The following RFTN1 variants were observed in gnomAD, a reference collection of about 807,000 sequenced individuals.
RFTN1 encodes raftlin.
In RFTN1, 26 loss-of-function variants were observed where a neutral mutation model predicts 46.5. That is an observed-to-expected ratio of 0.56 (90% CI 0.41 to 0.78). The LOEUF is 0.78. Among genes scored for constraint, RFTN1 ranks in the 30% least tolerant of loss-of-function variants. The pLI is 0.00. For missense variants in RFTN1, 693 were observed against 718.7 expected (o/e 0.96, Z 0.41); for synonymous variants, 261 against 284.2 (o/e 0.92, Z 0.82).
intron 2 of RFTN1, among the ~76,000 whole-genome samples, chr3:16,471,420 A>G (rs1025835142): frequency 6.6e-6 from 1 of 152,172 alleles, no homozygotes; most frequent in African/African-American, 2.4e-5. Flanking sequence ...TCAGTTTCCT[A>G]TTGGAAAATA....
rs2068420119 is a variant in RFTN1 at position 16,316,592 on chromosome 3, T to C, written c.*236A>G. The C allele has an allele frequency of 3.4e-6, 2 of 588,500 alleles. No homozygotes were observed. Among genetic ancestry groups the C allele is most frequent in the South Asian group, 1.9e-5 (1 of 52,210 alleles). 36.5% of individuals were successfully genotyped at this position (588,500 alleles called of 1,614,324 possible). Reference sequence around the variant, plus strand: ...TTCAGCCATGAGGGCTAGAATAACCTGACCTCTTGCATTCTAACACTGGGT... The same window carrying C: ...TTCAGCCATGAGGGCTAGAATAACCCGACCTCTTGCATTCTAACACTGGGT... On this transcript the variant is annotated 3_prime_UTR_variant, in exon 10 of 10. Coordinates refer to ENST00000334133, the MANE Select transcript of RFTN1 (RefSeq NM_015150.2). The surrounding 1 kb of genome is among the most constrained non-coding windows in gnomAD (Gnocchi z 4.5).
At chr3:16,366,663 C>A (rs555036931) in intron 6 of RFTN1, among the ~76,000 whole-genome samples, 5 of 152,358 alleles carry the variant, frequency 3.3e-5, no homozygotes, top group South Asian at 4.1e-4. Context: ...TAGCCAGTAA[C>A]CTTGACAATG....
At position 16,489,316 on chromosome 3, in the gene RFTN1, G is replaced by A. The variant is rs2076502897; in HGVS notation, c.145+4409C>T. ...ACCTGTAATCCCAACTACTCGGCAG[G>A]CTGAGGCACAAGAATTATTTGAACC... On this transcript the variant is annotated intron_variant, in intron 2 of 9. Coordinates refer to ENST00000334133, the MANE Select transcript of RFTN1 (RefSeq NM_015150.2). This position sits in a 1 kb window ranked among gnomAD's most constrained non-coding sequence, Gnocchi z 4.0. Among the ~76,000 whole-genome samples, 1 of 152,144 alleles carries A rather than the reference G, an allele frequency of 6.6e-6. No homozygotes were observed. Among genetic ancestry groups the A allele is most frequent in the African/African-American group, 2.4e-5 (1 of 41,418 alleles).
At chr3:16,414,476 G>A (rs140780189) in intron 3 of RFTN1, among the ~76,000 whole-genome samples, 1 of 151,976 alleles carries the variant, frequency 6.6e-6, no homozygotes, top group East Asian at 1.9e-4. Flanking sequence ...GCATGGTGGT[G>A]CACGCCTATA....
At chr3:16,501,280 T>A (rs1226094330) in intron 1 of RFTN1, among the ~76,000 whole-genome samples, 1 of 152,232 alleles carries the variant, frequency 6.6e-6, no homozygotes, top group South Asian at 2.1e-4. Flanking sequence ...AAAAGTATCC[T>A]AATTTGTTTC....
intron 4 of RFTN1, among the ~76,000 whole-genome samples, chr3:16,398,244 CAAAAAAAAA>C (rs202032095): frequency 1.3e-4 from 14 of 110,948 alleles, no homozygotes; most frequent in South Asian, 1.1e-3. Context: ...AAGACTGTCT[CAAAAAAAAA>C]AAAAAAAAAA....
chr3:16,366,177 G>A (rs541243189), intron 6 of RFTN1, among the ~76,000 whole-genome samples: 42 of 151,898 alleles, frequency 2.8e-4, no homozygotes, highest in African/African-American at 7.5e-4. Flanking sequence ...TGGTGGCAGC[G>A]GCAGCAGCCT....
At chr3:16,508,060 G>A (rs1401144360) in intron 1 of RFTN1, among the ~76,000 whole-genome samples, 1 of 152,202 alleles carries the variant, frequency 6.6e-6, no homozygotes. Flanking sequence ...ATAAGAGTTT[G>A]TCGGCATCAA....
chr3:16,436,219 A>G (rs1359577429), intron 2 of RFTN1, among the ~76,000 whole-genome samples: 2 of 151,526 alleles, frequency 1.3e-5, no homozygotes, highest in Non-Finnish European at 2.9e-5. Context: ...CTCGTGTCCT[A>G]TTTAGTCATT....
In RFTN1 at chr3:16,442,429, A is replaced by C. The variant is rs2075645137; in HGVS notation, c.146-8392T>G. ...TCAATAACATGCTTTCACAAAAAAA[A>C]ACTATTCTTTTTTTAAATTTTAATG... On this transcript the variant is annotated intron_variant, in intron 2 of 9. Transcript: ENST00000334133. This position sits in a 1 kb window ranked among gnomAD's most constrained non-coding sequence, Gnocchi z 4.1. Among the ~76,000 whole-genome samples the C allele has an allele frequency of 6.6e-6, 1 of 152,186 alleles. No homozygotes were observed. The highest frequency in any genetic ancestry group is 1.5e-5 in the Non-Finnish European group (1 of 68,028).
rs1457907487 is a variant in RFTN1, at chr3:16,440,394, A to G, written c.146-6357T>C. Among the ~76,000 whole-genome samples, 2 of 152,176 alleles carry G rather than the reference A, an allele frequency of 1.3e-5. No individual in the cohort carries two copies. Among genetic ancestry groups the G allele is most frequent in the Admixed American group, 1.3e-4 (2 of 15,288 alleles). On this transcript the variant is annotated intron_variant, in intron 2 of 9. Coordinates refer to ENST00000334133, the MANE Select transcript of RFTN1 (RefSeq NM_015150.2). This position sits in a 1 kb window ranked among gnomAD's most constrained non-coding sequence, Gnocchi z 4.6. ...TAATTTTTGTATTTTTAGTAGAGTCAGGGTTTCACTATGTTGGCCAGGCTG... is the reference window on the plus strand; with the variant it reads ...TAATTTTTGTATTTTTAGTAGAGTCGGGGTTTCACTATGTTGGCCAGGCTG...
intron 7 of RFTN1, among the ~76,000 whole-genome samples, chr3:16,330,389 AGCCT>A (rs2125242209): frequency 6.6e-6 from 1 of 152,360 alleles, no homozygotes; most frequent in Admixed American, 6.5e-5. Flanking sequence ...ATACAAGATG[AGCCT>A]GTCAGTGAAA....
intron 7 of RFTN1, among the ~76,000 whole-genome samples, chr3:16,339,140 TTC>T (rs1032920836): frequency 6.6e-6 from 1 of 152,186 alleles, no homozygotes; most frequent in African/African-American, 2.4e-5. Context: ...GACATGGGAT[TTC>T]TCTCTCCCTA....
chr3:16,397,616 A>C (rs1437475481), intron 4 of RFTN1, among the ~76,000 whole-genome samples: 1 of 152,200 alleles, frequency 6.6e-6, no homozygotes, highest in Non-Finnish European at 1.5e-5. Flanking sequence ...AAAACTTAAA[A>C]ATAAATAGAA....
rs2124901004 is a variant in RFTN1 at position 16,449,222 on chromosome 3, A to C, written c.146-15185T>G. Among the ~76,000 whole-genome samples, 1 of 152,350 alleles carries C rather than the reference A, an allele frequency of 6.6e-6. No homozygotes were observed. Among genetic ancestry groups the C allele is most frequent in the South Asian group, 2.1e-4 (1 of 4,832 alleles). The stretch of plus-strand genomic sequence containing the variant: ...AGTTCTAAATTATGCAGATCCTATT[A>C]GGCAAATAAAGAACAGAAATCTGGA... On this transcript the variant is annotated intron_variant, in intron 2 of 9. Transcript: ENST00000334133. The surrounding 1 kb of genome is among the most constrained non-coding windows in gnomAD (Gnocchi z 5.1).
At position 16,428,102 on chromosome 3, in the gene RFTN1, A is replaced by G. The variant is rs556090718; in HGVS notation, c.332+5749T>C. Among the ~76,000 whole-genome samples the G allele has an allele frequency of 2.0e-5, 3 of 152,334 alleles. No homozygotes were observed. The highest frequency in any genetic ancestry group is 7.2e-5 in the African/African-American group (3 of 41,576). ...AGTCATCTTTGCATAGTGAAATTACATATACATATTTACCTTAGAAAAATC... is the reference window on the plus strand; with the variant it reads ...AGTCATCTTTGCATAGTGAAATTACGTATACATATTTACCTTAGAAAAATC... On this transcript the variant is annotated intron_variant, in intron 3 of 9. Coordinates refer to ENST00000334133, the MANE Select transcript of RFTN1 (RefSeq NM_015150.2). This position sits in a 1 kb window ranked among gnomAD's most constrained non-coding sequence, Gnocchi z 4.7.
intron 4 of RFTN1, among the ~76,000 whole-genome samples, chr3:16,398,848 C>T (rs566353435): frequency 6.6e-6 from 1 of 152,334 alleles, no homozygotes; most frequent in African/African-American, 2.4e-5. Context: ...CAGCTGCCAC[C>T]TCCCCTTGGT....
chr3:16,362,835 A>G (rs1466131321), intron 6 of RFTN1, among the ~76,000 whole-genome samples: 1 of 152,134 alleles, frequency 6.6e-6, no homozygotes, highest in East Asian at 1.9e-4. Context: ...GGTCCAGAAG[A>G]GGGAAGGGGA....
In RFTN1 at chr3:16,484,551, A is replaced by T. The variant is rs2076417865; in HGVS notation, c.145+9174T>A. ...AAGATGGGAATTTGTAAAATGCAGC[A>T]GTGTGGAATGATCCTCGAAATTGTA... is the stretch of plus-strand genomic sequence containing the variant. On this transcript the variant is annotated intron_variant, in intron 2 of 9. Coordinates refer to ENST00000334133, the MANE Select transcript of RFTN1 (RefSeq NM_015150.2). This position sits in a 1 kb window ranked among gnomAD's most constrained non-coding sequence, Gnocchi z 4.6. 2 of 152,242 alleles carry T rather than the reference A, an allele frequency of 1.3e-5. No individual in the cohort carries two copies. Among genetic ancestry groups the T allele is most frequent in the African/African-American group, 4.8e-5 (2 of 41,460 alleles). 9.4% of individuals were successfully genotyped at this position (152,242 alleles called of 1,614,324 possible). A position where few individuals can be genotyped will look rare whatever the true frequency, so the allele number is the denominator to read the frequency against.
Sources: gnomAD v4.1 joint callset for allele counts (sites outside exome capture counted in the v4.1 genomes callset) on GRCh38, gnomAD v4.1.1 for gene constraint, Gnocchi (gnomAD v3.1) non-coding constraint, MANE v1.5 for transcripts, NCBI Gene and HGNC (gene_info 2026-07-23, HGNC 2026-07-21) for gene names.